The following SLC24A2 variants were observed in gnomAD, a reference collection of about 807,000 sequenced individuals.
SLC24A2 encodes the protein sodium/potassium/calcium exchanger 2.
SLC24A2 carries 36 observed loss-of-function variants against 62.0 expected under a neutral mutation model. That is an observed-to-expected ratio of 0.58 (90% CI 0.44 to 0.77). SLC24A2 has a LOEUF of 0.77. SLC24A2 is among the 30% of genes least tolerant of loss of function. SLC24A2 has a pLI of 0.00. For missense variants in SLC24A2, 846 were observed against 817.9 expected, an observed-to-expected ratio of 1.03 and a Z score of -0.42; for synonymous variants, 358 against 294.0, an observed-to-expected ratio of 1.22 and a Z score of -2.23.
chr9:20,221,246 G>A, the SLC24A2 span, among the ~76,000 whole-genome samples: 19 of 152,038 alleles, frequency 1.2e-4, no homozygotes, highest in Non-Finnish European at 1.8e-4. Flanking sequence ...ACTAATAATA[G>A]ACTGTGGGAG....
At chr9:20,096,081 ATCCATCCGTCCGTCCGTCCGTCCG>A in the SLC24A2 span, among the ~76,000 whole-genome samples, 7 of 139,602 alleles carry the variant, frequency 5.0e-5, no homozygotes, top group Non-Finnish European at 8.9e-5. Flanking sequence ...CCATCCATCC[ATCCATCCGTCCGTCCGTCCGTCCG>A]TCCGTCCGTC....
intron 7 of SLC24A2, among the ~76,000 whole-genome samples, chr9:19,567,925 CTG>C (rs1301974545): frequency 2.0e-5 from 3 of 152,084 alleles, no homozygotes; most frequent in African/African-American, 4.8e-5. Flanking sequence ...ACGGTAAAGA[CTG>C]TATGGCAGAA....
chr9:20,045,079 A>T, the SLC24A2 span, among the ~76,000 whole-genome samples: 3 of 152,198 alleles, frequency 2.0e-5, no homozygotes. Context: ...AATAAAATGT[A>T]TCAATTTAGG....
chr9:19,607,060 C>A (rs2132925498), intron 4 of SLC24A2, among the ~76,000 whole-genome samples: 1 of 151,362 alleles, frequency 6.6e-6, no homozygotes, highest in East Asian at 1.9e-4. Flanking sequence ...GAAGTGAGGC[C>A]CTGCTACTTA....
intron 8 of SLC24A2, among the ~76,000 whole-genome samples, chr9:19,528,804 C>G (rs572770819): frequency 1.8e-4 from 27 of 152,276 alleles, no homozygotes; most frequent in Admixed American, 3.3e-4. Context: ...CTGATTTCCA[C>G]TGAGATGGCA....
the SLC24A2 span, among the ~76,000 whole-genome samples, chr9:20,116,946 A>T: frequency 6.6e-6 from 1 of 152,148 alleles, no homozygotes; most frequent in Admixed American, 6.6e-5. Context: ...TCAGTCTTGC[A>T]AGCATACTAG....
At chr9:19,694,704 A>T (rs1185649358) in intron 2 of SLC24A2, among the ~76,000 whole-genome samples, 13 of 152,184 alleles carry the variant, frequency 8.5e-5, no homozygotes, top group Admixed American at 8.5e-4. Flanking sequence ...CTTCATGGCA[A>T]TATTAGTTAC....
At chr9:20,301,500 C>A in the SLC24A2 span, among the ~76,000 whole-genome samples, 1 of 151,900 alleles carries the variant, frequency 6.6e-6, no homozygotes, top group African/African-American at 2.4e-5. Context: ...CTTTTATTTC[C>A]AGCTTCTTTT....
chr9:20,270,143 A>T, the SLC24A2 span, among the ~76,000 whole-genome samples: 1 of 152,174 alleles, frequency 6.6e-6, no homozygotes, highest in Non-Finnish European at 1.5e-5. Flanking sequence ...GAGCGAGCTC[A>T]TTCACAACCA....
chr9:19,517,911 AC>A (rs1223371652), intron 10 of SLC24A2, among the ~76,000 whole-genome samples: 4 of 7,296 alleles, frequency 5.5e-4, no homozygotes, highest in Non-Finnish European at 1.2e-3. Flanking sequence ...TCTTATTAAA[AC>A]ACACACACAC....
the SLC24A2 span, among the ~76,000 whole-genome samples, chr9:20,187,550 G>T: frequency 6.6e-6 from 1 of 152,088 alleles, no homozygotes; most frequent in Non-Finnish European, 1.5e-5. Context: ...AATTCTTGCA[G>T]TTCTAGAACT....
the SLC24A2 span, among the ~76,000 whole-genome samples, chr9:20,189,228 A>T: frequency 6.6e-6 from 1 of 152,100 alleles, no homozygotes; most frequent in Non-Finnish European, 1.5e-5. Flanking sequence ...ACTACTCCAC[A>T]CAAGAATGCT....
chr9:19,695,713 A>T, intron 2 of SLC24A2, among the ~76,000 whole-genome samples: 1 of 151,444 alleles, frequency 6.6e-6, no homozygotes, highest in East Asian at 1.9e-4. Context: ...ACCTAGAAAA[A>T]ATCTAATCAT....
At chr9:19,879,722 C>G in the SLC24A2 span, among the ~76,000 whole-genome samples, 12 of 152,190 alleles carry the variant, frequency 7.9e-5, no homozygotes, top group South Asian at 2.1e-4. Context: ...CCCTCCTCCC[C>G]CTAAGAAGTA....
chr9:20,248,272 C>T, the SLC24A2 span, among the ~76,000 whole-genome samples: 2 of 152,216 alleles, frequency 1.3e-5, no homozygotes, highest in Non-Finnish European at 2.9e-5. Flanking sequence ...CATCGAGGAT[C>T]TTTGTGCCTT....
chr9:20,149,109 A>C, the SLC24A2 span, among the ~76,000 whole-genome samples: 9 of 152,044 alleles, frequency 5.9e-5, no homozygotes, highest in Non-Finnish European at 1.2e-4. Flanking sequence ...TGAAACACTG[A>C]GCAGATTTGT....
the SLC24A2 span, among the ~76,000 whole-genome samples, chr9:19,818,203 T>G: frequency 6.6e-6 from 1 of 152,098 alleles, no homozygotes; most frequent in African/African-American, 2.4e-5. Context: ...ATTCCTCCAG[T>G]TCATCCAGCT....
At chr9:19,903,514 G>C in the SLC24A2 span, among the ~76,000 whole-genome samples, 1 of 152,168 alleles carries the variant, frequency 6.6e-6, no homozygotes, top group African/African-American at 2.4e-5. Context: ...GTCCATAGTA[G>C]GGAGGCATAA....
At chr9:19,961,433 A>G in the SLC24A2 span, among the ~76,000 whole-genome samples, 1 of 152,102 alleles carries the variant, frequency 6.6e-6, no homozygotes, top group Non-Finnish European at 1.5e-5. Context: ...TTTTCTTTCC[A>G]ATAAGTAGAC....
Sources: allele counts gnomAD v4.1 joint callset (sites outside exome capture counted in the v4.1 genomes callset), GRCh38; gene constraint gnomAD v4.1.1; transcripts MANE v1.5; gene names NCBI Gene and HGNC (gene_info 2026-07-23, HGNC 2026-07-21).